UBE2L3: variants seen among roughly 807,000 people sequenced by gnomAD.
UBE2L3 encodes the protein ubiquitin-conjugating enzyme E2 L3.
A neutral mutation model predicts 17.8 loss-of-function variants in UBE2L3; 1 was observed. The observed-to-expected ratio is 0.06, with a 90% CI of 0.02 to 0.27. UBE2L3 has a LOEUF of 0.27. Among genes scored for constraint, UBE2L3 ranks in the 10% least tolerant of loss-of-function variants. UBE2L3 has a pLI of 1.00. For synonymous variants in UBE2L3, 44 were observed against 68.5 expected (o/e 0.64, Z 1.76); for missense variants, 40 against 192.6 (o/e 0.21, Z 4.69).
chr22:21,582,838 T>G (rs1005180465), intron 1 of UBE2L3, among the ~76,000 whole-genome samples: 4 of 152,140 alleles, frequency 2.6e-5, no homozygotes, highest in African/African-American at 9.7e-5. Context: ...ATATGGTGAT[T>G]CTTAAGCAGA....
At chr22:21,552,890 A>T (rs1279865407) in intron 1 of UBE2L3, among the ~76,000 whole-genome samples, 1 of 133,020 alleles carries the variant, frequency 7.5e-6, no homozygotes, top group Non-Finnish European at 1.6e-5. Context: ...CGCCTGGCTA[A>T]TTTTTTTTGT....
At chr22:21,617,670 A>G (rs184445820) in intron 3 of UBE2L3, among the ~76,000 whole-genome samples, 1 of 152,312 alleles carries the variant, frequency 6.6e-6, no homozygotes, top group Non-Finnish European at 1.5e-5. Context: ...GATGTTTTAT[A>G]AAATATAATT....
At chr22:21,597,821 G>A (rs1240710061) in intron 2 of UBE2L3, among the ~76,000 whole-genome samples, 4 of 76,722 alleles carry the variant, frequency 5.2e-5, no homozygotes, top group Non-Finnish European at 7.1e-5. Context: ...ACAGGCTCTC[G>A]TTCTGTTGCC....
intron 1 of UBE2L3, among the ~76,000 whole-genome samples, chr22:21,580,030 G>A (rs1260072731): frequency 6.6e-6 from 1 of 152,156 alleles, no homozygotes; most frequent in Non-Finnish European, 1.5e-5. Context: ...GCAGGACTAG[G>A]GAAAATACTG....
intron 2 of UBE2L3, among the ~76,000 whole-genome samples, chr22:21,595,657 T>C (rs905886506): frequency 3.9e-5 from 6 of 152,166 alleles, no homozygotes; most frequent in Non-Finnish European, 7.3e-5. Flanking sequence ...TAAACATTTG[T>C]TTTTCTGTAA....
chr22:21,582,965 C>T (rs996600315), intron 1 of UBE2L3, among the ~76,000 whole-genome samples: 1 of 152,148 alleles, frequency 6.6e-6, no homozygotes, highest in Non-Finnish European at 1.5e-5. Flanking sequence ...AGTCAGCTCT[C>T]CTTCCTTCTC....
intron 3 of UBE2L3, among the ~76,000 whole-genome samples, chr22:21,616,782 A>G (rs1424949183): frequency 1.3e-5 from 2 of 151,908 alleles, no homozygotes; most frequent in African/African-American, 2.4e-5. Context: ...ATGGAAGGCT[A>G]CAACATTGCA....
chr22:21,603,572 C>T (rs886675532), intron 2 of UBE2L3, among the ~76,000 whole-genome samples: 7 of 143,922 alleles, frequency 4.9e-5, no homozygotes, highest in Non-Finnish European at 9.0e-5. Context: ...GGCTGGTCGC[C>T]GTGGCTCACG....
chr22:21,566,779 C>T (rs1184313726), upstream of UBE2L3, among the ~76,000 whole-genome samples: 2 of 151,924 alleles, frequency 1.3e-5, no homozygotes, highest in African/African-American at 4.8e-5. Flanking sequence ...TTCGCCAGTG[C>T]TGCTTCCTCT....
intron 2 of UBE2L3, among the ~76,000 whole-genome samples, chr22:21,597,418 C>G (rs1928589087): frequency 6.6e-6 from 1 of 152,080 alleles, no homozygotes; most frequent in South Asian, 2.1e-4. Context: ...GCAGTCTTCC[C>G]AAGTAGCTGG....
At chr22:21,605,284 C>T (rs1415824654) in intron 2 of UBE2L3, among the ~76,000 whole-genome samples, 1 of 152,228 alleles carries the variant, frequency 6.6e-6, no homozygotes, top group Non-Finnish European at 1.5e-5. Context: ...GCGGTGTGAT[C>T]TTGGCTCACT....
chr22:21,572,548 A>G (rs1324248678), intron 1 of UBE2L3, among the ~76,000 whole-genome samples: 2 of 152,016 alleles, frequency 1.3e-5, no homozygotes, highest in Non-Finnish European at 2.9e-5. Context: ...TTATAAGAGG[A>G]CACTTGAAAG....
intron 3 of UBE2L3, among the ~76,000 whole-genome samples, chr22:21,618,964 C>T (rs1470078207): frequency 6.6e-6 from 1 of 151,914 alleles, no homozygotes; most frequent in Non-Finnish European, 1.5e-5. Context: ...GTGAAAACTC[C>T]TGAGCGTGCC....
intron 1 of UBE2L3, among the ~76,000 whole-genome samples, chr22:21,573,344 A>C (rs931433096): frequency 1.1e-4 from 17 of 151,960 alleles, no homozygotes; most frequent in African/African-American, 3.9e-4. Context: ...TAAAAACAGC[A>C]TGCTTTGCAC....
At chr22:21,567,346 G>A (rs543231685), upstream of UBE2L3, among the ~76,000 whole-genome samples, 1 of 152,148 alleles carries the variant, frequency 6.6e-6, no homozygotes, top group Non-Finnish European at 1.5e-5. Flanking sequence ...TGTATTTTTA[G>A]TAGAGACCGA....
intron 3 of UBE2L3, among the ~76,000 whole-genome samples, chr22:21,620,784 G>A (rs1283565385): frequency 6.6e-6 from 1 of 152,072 alleles, no homozygotes; most frequent in Non-Finnish European, 1.5e-5. Flanking sequence ...CCAGAGTTGG[G>A]TCATTGCGCA....
chr22:21,573,812 C>T (rs1021815818), intron 1 of UBE2L3, among the ~76,000 whole-genome samples: 2 of 152,172 alleles, frequency 1.3e-5, no homozygotes, highest in Non-Finnish European at 2.9e-5. Flanking sequence ...GTTAGGCCAG[C>T]CCCTGAGATG....
intron 1 of UBE2L3, among the ~76,000 whole-genome samples, chr22:21,572,878 A>G (rs1480404619): frequency 1.3e-5 from 2 of 152,164 alleles, no homozygotes; most frequent in East Asian, 3.9e-4. Flanking sequence ...TCAAGGAAAA[A>G]ACGCCAGCGG....
At chr22:21,609,618 G>C (rs944084978) in intron 2 of UBE2L3, among the ~76,000 whole-genome samples, 13 of 152,124 alleles carry the variant, frequency 8.5e-5, no homozygotes, top group African/African-American at 3.1e-4. Flanking sequence ...TGAGGTGGGA[G>C]GATTGCTTGA....
Sources: gnomAD v4.1 joint callset for allele counts (sites outside exome capture counted in the v4.1 genomes callset) on GRCh38, gnomAD v4.1.1 for gene constraint, MANE v1.5 for transcripts, NCBI Gene and HGNC (gene_info 2026-07-23, HGNC 2026-07-21) for gene names.